Variants in ARL14EPL observed in about 807,000 individuals in gnomAD.
ARL14EPL encodes the protein ARF like GTPase 14 effector protein like.
A neutral mutation model predicts 15.9 loss-of-function variants in ARL14EPL; 17 were observed. That is an observed-to-expected ratio of 1.07 (90% confidence interval 0.73 to 1.60). The LOEUF is 1.60. Ranked by LOEUF, ARL14EPL falls within the 40% of genes most tolerant of loss-of-function variation. ARL14EPL has a pLI of 0.00. For synonymous variants in ARL14EPL, 78 were observed against 63.8 expected (o/e 1.22, Z -1.06); for missense variants, 214 against 185.9 (o/e 1.15, Z -0.88).
At chr5:116,036,649 A>T (rs1749055150) in intron 1 of ARL14EPL, among the ~76,000 whole-genome samples, 2 of 152,218 alleles carry the variant, frequency 1.3e-5, no homozygotes, top group African/African-American at 4.8e-5. Flanking sequence ...CAACCTAAGG[A>T]TATTTTATTG....
At chr5:116,051,715 C>G (rs932431341) in intron 2 of ARL14EPL, among the ~76,000 whole-genome samples, 154 bp downstream of exon 2, 4 of 152,218 alleles carry the variant, frequency 2.6e-5, no homozygotes, top group Non-Finnish European at 5.9e-5. Context: ...TCCCTCCTCC[C>G]CACTGCTCAC....
At position 116,051,503 on chromosome 5, in the gene ARL14EPL, A is replaced by G; in HGVS notation, c.38A>G (p.Glu13Gly). Residue 13 changes from glutamate to glycine, a missense_variant, in exon 2 of 4, where the codon GAG (glutamate) becomes GGG (glycine). Physicochemically the swap from Glu to Gly is moderately conservative, Grantham distance 98. Transcript: ENST00000686077. ...EQSEKNNSIQ[E>G]RHTDHSFPEK... is the part of the protein sequence containing the mutation. ...TCAGAGAAAAACAATTCCATTCAAG[A>G]GAGACACACAGATCATAGTTTTCCT... 1 of 1,535,796 alleles carries G rather than the reference A, an allele frequency of 6.5e-7. No individual in the cohort carries two copies. The highest frequency in any genetic ancestry group is 8.7e-7 in the Non-Finnish European group (1 of 1,146,610).
chr5:116,054,020 A>G lies in ARL14EPL; in HGVS notation c.103A>G (p.Ile35Val). The G allele has an allele frequency of 1.3e-6, 2 of 1,533,988 alleles. No homozygotes were observed. Among genetic ancestry groups the G allele is most frequent in the Non-Finnish European group, 1.7e-6 (2 of 1,146,010 alleles). The change falls in exon 3 of 4, where the codon ATA becomes GTA. Residue 35 changes from isoleucine to valine, a missense_variant. Ile to Val is a conservative substitution (Grantham distance 29). Transcript: ENST00000686077. Reference protein sequence around the residue: ...CQIGQKQLQQIERQLKCLAFR... With the variant: ...CQIGQKQLQQVERQLKCLAFR... ...ACATTTATTTGTTTAATAGCAACAA[A>G]TAGAGCGGCAGTTAAAATGCTTGGC... is the stretch of plus-strand genomic sequence containing the variant.
At chr5:116,046,971 T>A (rs1749279006) in intron 1 of ARL14EPL, among the ~76,000 whole-genome samples, 1 of 152,102 alleles carries the variant, frequency 6.6e-6, no homozygotes, top group Non-Finnish European at 1.5e-5. Flanking sequence ...TCTGTGTGCA[T>A]ACCAAGAAAA....
At chr5:116,052,414 A>G (rs1356669156) in intron 2 of ARL14EPL, 2 of 645,504 alleles carry the variant, frequency 3.1e-6, no homozygotes, top group South Asian at 1.8e-5. Flanking sequence ...CTAAAACTGT[A>G]TGTATTAACT....
chr5:116,058,340 T>C (rs1749567689), intron 3 of ARL14EPL, among the ~76,000 whole-genome samples: 1 of 152,228 alleles, frequency 6.6e-6, no homozygotes, highest in Admixed American at 6.5e-5. Flanking sequence ...CTATCAAGAA[T>C]GGTAATATTT....
At chr5:116,038,410 C>T (rs1348867969) in intron 1 of ARL14EPL, among the ~76,000 whole-genome samples, 3 of 152,094 alleles carry the variant, frequency 2.0e-5, no homozygotes, top group East Asian at 3.9e-4. Context: ...CTGGGGAAAG[C>T]GTAAGTGGGT....
At chr5:116,043,836 C>T (rs765133329) in intron 1 of ARL14EPL, among the ~76,000 whole-genome samples, 3 of 152,138 alleles carry the variant, frequency 2.0e-5, no homozygotes, top group Non-Finnish European at 2.9e-5. Flanking sequence ...CCTTTGCCTT[C>T]GGCCCTTGAT....
At chr5:116,056,112 G>C (rs1014925863) in intron 3 of ARL14EPL, among the ~76,000 whole-genome samples, 2 of 151,926 alleles carry the variant, frequency 1.3e-5, no homozygotes, top group Non-Finnish European at 2.9e-5. Flanking sequence ...AAACATACAT[G>C]TGCATGTGTC....
intron 1 of ARL14EPL, among the ~76,000 whole-genome samples, chr5:116,049,770 A>G (rs539147291): frequency 1.3e-5 from 2 of 152,382 alleles, no homozygotes; most frequent in Admixed American, 1.3e-4. Flanking sequence ...CAGCAGTGCT[A>G]TAAAACACCA....
chr5:116,035,248 A>C (rs1213137555), intron 1 of ARL14EPL, among the ~76,000 whole-genome samples: 1 of 152,120 alleles, frequency 6.6e-6, no homozygotes, highest in East Asian at 1.9e-4. Flanking sequence ...TAGCTATCTC[A>C]CCATATTATC....
intron 2 of ARL14EPL, 35 bp from the exon 3 acceptor site, chr5:116,053,978 TG>T: frequency 6.7e-7 from 1 of 1,494,320 alleles, no homozygotes; most frequent in Non-Finnish European, 8.9e-7. Context: ...TAAAACTATC[TG>T]GTTCTTACTA....
At chr5:116,048,802 G>T (rs1749319860) in intron 1 of ARL14EPL, among the ~76,000 whole-genome samples, 1 of 152,098 alleles carries the variant, frequency 6.6e-6, no homozygotes, top group African/African-American at 2.4e-5. Flanking sequence ...ATATACCAGA[G>T]GGATGGGATA....
chr5:116,035,244 T>A (rs1282236090), intron 1 of ARL14EPL, among the ~76,000 whole-genome samples: 1 of 152,216 alleles, frequency 6.6e-6, no homozygotes, highest in East Asian at 1.9e-4. Flanking sequence ...AAAATAGCTA[T>A]CTCACCATAT....
At chr5:116,032,719 C>T (rs1374841755) in intron 1 of ARL14EPL, among the ~76,000 whole-genome samples, 1 of 152,162 alleles carries the variant, frequency 6.6e-6, no homozygotes, top group Non-Finnish European at 1.5e-5. Flanking sequence ...TGGTTTCAGG[C>T]ATCCACTGGG....
chr5:116,057,173 A>C (rs546495478), intron 3 of ARL14EPL, among the ~76,000 whole-genome samples: 1 of 152,102 alleles, frequency 6.6e-6, no homozygotes, highest in Non-Finnish European at 1.5e-5. Context: ...AAAGACAAAA[A>C]CCACATGATT....
intron 3 of ARL14EPL, among the ~76,000 whole-genome samples, chr5:116,055,200 A>T (rs1749486490): frequency 6.6e-6 from 1 of 152,226 alleles, no homozygotes; most frequent in Non-Finnish European, 1.5e-5. Flanking sequence ...ATCAAAGCTG[A>T]TGAAGCTATG....
intron 2 of ARL14EPL, 98 bp from the exon 3 acceptor site, chr5:116,053,916 G>A: frequency 1.0e-6 from 1 of 975,232 alleles, no homozygotes; most frequent in Non-Finnish European, 1.5e-6. Context: ...ATACTTTCAT[G>A]CCTTTATGGT....
intron 1 of ARL14EPL, among the ~76,000 whole-genome samples, chr5:116,034,274 G>T (rs1749009843): frequency 6.6e-6 from 1 of 152,150 alleles, no homozygotes; most frequent in Non-Finnish European, 1.5e-5. Context: ...TGATGCCAGG[G>T]CTCTCAGGGT....
Sources: gnomAD v4.1 joint callset for allele counts (sites outside exome capture counted in the v4.1 genomes callset) on GRCh38, gnomAD v4.1.1 for gene constraint, MANE v1.5 for transcripts, NCBI Gene and HGNC (gene_info 2026-07-23, HGNC 2026-07-21) for gene names.